The following RPS6KA2 variants were observed in gnomAD, a reference collection of about 807,000 sequenced individuals.
RPS6KA2 encodes the protein ribosomal protein S6 kinase alpha-2.
RPS6KA2 carries 42 observed loss-of-function variants against 91.8 expected under a neutral mutation model. That is an observed-to-expected ratio of 0.46 (90% CI 0.36 to 0.59). The LOEUF is 0.59. RPS6KA2 is among the 20% of genes least tolerant of loss of function. The pLI is 0.00. For missense variants in RPS6KA2, 798 were observed against 978.5 expected, an observed-to-expected ratio of 0.82 and a Z score of 2.46; for synonymous variants, 414 against 393.6, an observed-to-expected ratio of 1.05 and a Z score of -0.61.
At chr6:166,432,323 G>A (rs1037862144) in intron 15 of RPS6KA2, 78 bp downstream of exon 15, 3 of 927,414 alleles carry the variant, frequency 3.2e-6, no homozygotes, top group Non-Finnish European at 5.1e-6. Context: ...GAGAAAGCTT[G>A]CTCTGAGTGA....
intron 2 of RPS6KA2, among the ~76,000 whole-genome samples, chr6:166,674,754 C>T (rs192120883): frequency 2.0e-5 from 3 of 152,262 alleles, no homozygotes; most frequent in East Asian, 3.9e-4. Flanking sequence ...CTGCAACCTC[C>T]GCCTCCCGGG....
rs942761380 is a variant in RPS6KA2 at position 166,652,665 on chromosome 6, C to G, written c.124-113881G>C. Among the ~76,000 whole-genome samples the G allele has an allele frequency of 5.3e-5, 8 of 152,100 alleles. No individual in the cohort carries two copies. In the South Asian group the frequency reaches 1.7e-3, roughly 32 times the overall value. ...GATCTCTTGTTGTTAAAATCCCACC[C>G]GGTGACCTGCTTGGGTTCCCCCAGC... On this transcript the variant is annotated intron_variant, in intron 2 of 21. Coordinates refer to the RPS6KA2 transcript ENST00000503859.
intron 1 of RPS6KA2, among the ~76,000 whole-genome samples, chr6:166,618,638 G>A (rs1374131829): frequency 6.6e-6 from 1 of 152,186 alleles, no homozygotes; most frequent in Admixed American, 6.5e-5. Context: ...GAAAACACGG[G>A]CACTACTCTA....
At chr6:166,683,968 G>C (rs1788923296) in intron 2 of RPS6KA2, among the ~76,000 whole-genome samples, 1 of 152,202 alleles carries the variant, frequency 6.6e-6, no homozygotes, top group Non-Finnish European at 1.5e-5. Context: ...GCAGCAGCAA[G>C]GGGCTACCGT....
chr6:166,621,294 C>T (rs920449998), intron 1 of RPS6KA2, among the ~76,000 whole-genome samples: 6 of 152,206 alleles, frequency 3.9e-5, no homozygotes, highest in Admixed American at 1.3e-4. Flanking sequence ...CACATTTGTC[C>T]TCCACGCCCT....
chr6:166,453,279 C>A (rs1442817623), intron 12 of RPS6KA2, among the ~76,000 whole-genome samples: 3 of 151,966 alleles, frequency 2.0e-5, no homozygotes, highest in South Asian at 2.1e-4. Context: ...AATGAACAGA[C>A]AACCTGCAGA....
chr6:166,801,347 A>G (rs922792155), intron 2 of RPS6KA2, among the ~76,000 whole-genome samples: 4 of 145,952 alleles, frequency 2.7e-5, no homozygotes, highest in African/African-American at 1.0e-4. Flanking sequence ...ATTTTATTTT[A>G]TTTTATTTAT....
At chr6:166,756,132 T>C (rs1430071319) in intron 2 of RPS6KA2, among the ~76,000 whole-genome samples, 1 of 151,668 alleles carries the variant, frequency 6.6e-6, no homozygotes, top group Non-Finnish European at 1.5e-5. Context: ...CTACTAAAAA[T>C]ACAAAAAATT....
chr6:166,564,057 C>T (rs966375000), intron 1 of RPS6KA2, among the ~76,000 whole-genome samples: 1 of 152,210 alleles, frequency 6.6e-6, no homozygotes, highest in Non-Finnish European at 1.5e-5. Context: ...GGACAACCTG[C>T]TGTGGATAAT....
intron 2 of RPS6KA2, among the ~76,000 whole-genome samples, chr6:166,857,393 G>A (rs1209255792): frequency 6.6e-6 from 1 of 152,172 alleles, no homozygotes; most frequent in Non-Finnish European, 1.5e-5. Context: ...TGGTGGAAGT[G>A]TGGCTGCGTA....
chr6:166,472,537 A>G (rs1251556611), intron 10 of RPS6KA2, among the ~76,000 whole-genome samples: 1 of 152,220 alleles, frequency 6.6e-6, no homozygotes, highest in South Asian at 2.1e-4. Flanking sequence ...CTAAAAAATT[A>G]CAGGGGTTCC....
rs1562593574 is a variant in RPS6KA2, at chr6:166,581,956, T to TG, written c.100-43173_100-43172insC. ...AGGAGGGCACAGGGAGAGGGTGAGA[T>TG]AGGGTGGGACGCCCACTGGGCAGGT... On this transcript the variant is annotated intron_variant, in intron 1 of 20. Transcript: ENST00000265678. Among the ~76,000 whole-genome samples, 14 of 44,886 alleles carry TG rather than the reference T, an allele frequency of 3.1e-4. 3 individuals are homozygous for TG. The highest frequency in any genetic ancestry group is 1.3e-3 in the African/African-American group (13 of 9,784). 29.4% of individuals were successfully genotyped at this position (44,886 alleles called of 152,430 possible).
At chr6:166,691,761 G>A (rs1789211478) in intron 2 of RPS6KA2, among the ~76,000 whole-genome samples, 1 of 152,172 alleles carries the variant, frequency 6.6e-6, no homozygotes, top group Non-Finnish European at 1.5e-5. Context: ...TTGGTTTGAG[G>A]CAAAAGCATG....
rs547557876 is a variant in RPS6KA2 at position 166,821,556 on chromosome 6, G to A, written c.123+36644C>T. The stretch of plus-strand genomic sequence containing the variant: ...CCTGTCCATGTGCATCCTCCGTGTG[G>A]GTGCGGTGGGCCATCCCTCCTCCCA... On this transcript the variant is annotated intron_variant, in intron 2 of 21. Transcript: ENST00000503859. This position sits in a 1 kb window ranked among gnomAD's most constrained non-coding sequence, Gnocchi z 4.1. Among the ~76,000 whole-genome samples, 297 of 152,182 alleles carry A rather than the reference G, an allele frequency of 2.0e-3. 2 individuals carry two copies. Among genetic ancestry groups the A allele is most frequent in the Non-Finnish European group, 3.3e-3 (224 of 67,996 alleles).
At chr6:166,783,420 C>T (rs1056510169) in intron 2 of RPS6KA2, among the ~76,000 whole-genome samples, 1 of 152,100 alleles carries the variant, frequency 6.6e-6, no homozygotes, top group Admixed American at 6.6e-5. Flanking sequence ...AATTCCCAGC[C>T]TGCTGGTCTG....
chr6:166,425,768 T>C (rs1022223827), intron 16 of RPS6KA2, among the ~76,000 whole-genome samples: 1 of 152,082 alleles, frequency 6.6e-6, no homozygotes, highest in Non-Finnish European at 1.5e-5. Flanking sequence ...TAAATATATA[T>C]GCACCCAATA....
intron 2 of RPS6KA2, among the ~76,000 whole-genome samples, chr6:166,769,249 A>G (rs1778401335): frequency 6.6e-6 from 1 of 152,234 alleles, no homozygotes; most frequent in South Asian, 2.1e-4. Flanking sequence ...GGGATGATAC[A>G]GATAATAATA....
At position 166,423,483 on chromosome 6, in the gene RPS6KA2, G is replaced by A; in HGVS notation, c.1582-66C>T. 1.4e-6 allele frequency: 2 copies of A among 1,477,558 alleles called. No homozygotes were observed. The highest frequency in any genetic ancestry group is 2.4e-5 in the East Asian group (1 of 42,354). 91.5% of individuals were successfully genotyped at this position (1,477,558 alleles called of 1,614,324 possible). ...ACTGAGCAGGAGAGGGAGGGCAGGT[G>A]CATTTGGAGGGGAGGGTGCATTTGG... On this transcript the variant is annotated intron_variant, in intron 16 of 20. Coordinates refer to ENST00000265678, the MANE Select transcript of RPS6KA2 (RefSeq NM_021135.6). This position sits in a 1 kb window ranked among gnomAD's most constrained non-coding sequence, Gnocchi z 4.8.
At chr6:166,808,012 C>A (rs544863555) in intron 2 of RPS6KA2, among the ~76,000 whole-genome samples, 2 of 151,538 alleles carry the variant, frequency 1.3e-5, no homozygotes, top group Non-Finnish European at 1.5e-5. Flanking sequence ...TGATGCACCT[C>A]GGGATGCATG....
Sources: gnomAD v4.1 joint callset for allele counts (sites outside exome capture counted in the v4.1 genomes callset) on GRCh38, gnomAD v4.1.1 for gene constraint, Gnocchi (gnomAD v3.1) non-coding constraint, MANE v1.5 for transcripts, NCBI Gene and HGNC (gene_info 2026-07-23, HGNC 2026-07-21) for gene names.